ADAMTS18: variants seen among roughly 807,000 people sequenced by gnomAD.
ADAMTS18 encodes ADAM metallopeptidase with thrombospondin type 1 motif 18.
ADAMTS18 carries 157 observed loss-of-function variants against 165.9 expected under a neutral mutation model. The observed-to-expected ratio is 0.95, with a 90% confidence interval of 0.83 to 1.08. The LOEUF is 1.08. ADAMTS18 is among the 50% of genes least tolerant of loss of function. ADAMTS18 has a pLI of 0.00. For missense variants in ADAMTS18, 2,040 were observed against 1,534.0 expected, an observed-to-expected ratio of 1.33 and a Z score of -5.51; for synonymous variants, 782 against 578.2, an observed-to-expected ratio of 1.35 and a Z score of -5.06.
intron 11 of ADAMTS18, among the ~76,000 whole-genome samples, chr16:77,340,291 C>A (rs900285275): frequency 6.6e-5 from 10 of 152,222 alleles, no homozygotes; most frequent in Admixed American, 2.6e-4. Flanking sequence ...TCTCATACCT[C>A]AGCCTCCCAA....
chr16:77,290,127 G>A (rs115506556), intron 21 of ADAMTS18, among the ~76,000 whole-genome samples: 2,463 of 152,240 alleles, frequency 0.016, 38 homozygotes, highest in African/African-American at 0.037. Flanking sequence ...TGTAGTTTCT[G>A]TCTCAATTAA....
In ADAMTS18 at chr16:77,291,434, C is replaced by T. The variant is rs1000338409; in HGVS notation, c.3234G>A (p.Lys1078=). 6.2e-7 allele frequency: 1 copy of T among 1,614,198 alleles called. No homozygotes were observed. Among genetic ancestry groups the T allele is most frequent in the Non-Finnish European group, 8.5e-7 (1 of 1,180,012 alleles). Residue 1078 remains lysine, a synonymous_variant, in exon 21 of 23, where the codon AAG becomes AAA. Transcript: ENST00000282849. ...TTCCCTGGAAGCCCTTCTCGCTGCA[C>T]TTCATCTCCCTCTTCCTCACACCCA... is the stretch of plus-strand genomic sequence containing the variant. ...CGLGVRKREM[K]CSEKGFQGKL...
intron 10 of ADAMTS18, among the ~76,000 whole-genome samples, chr16:77,345,411 C>T (rs1240326655): frequency 6.6e-6 from 1 of 152,096 alleles, no homozygotes; most frequent in Non-Finnish European, 1.5e-5. Context: ...CAAGAAAACC[C>T]CCACCAGATC....
intron 3 of ADAMTS18, among the ~76,000 whole-genome samples, chr16:77,421,343 A>G (rs1318806677): frequency 6.6e-6 from 1 of 152,232 alleles, no homozygotes; most frequent in Non-Finnish European, 1.5e-5. Context: ...CTTTCATGGG[A>G]AAAACTTGAT....
intron 3 of ADAMTS18, among the ~76,000 whole-genome samples, chr16:77,372,021 A>C (rs1205041692): frequency 1.3e-5 from 2 of 152,182 alleles, no homozygotes; most frequent in East Asian, 1.9e-4. Flanking sequence ...TATATGAAAA[A>C]AATGCTCAAC....
intron 6 of ADAMTS18, among the ~76,000 whole-genome samples, chr16:77,363,561 T>C (rs2144735047): frequency 6.6e-6 from 1 of 151,006 alleles, no homozygotes; most frequent in African/African-American, 2.4e-5. Flanking sequence ...AGTACTTATG[T>C]ACCATTATTT....
At chr16:77,316,191 C>T (rs2055883607) in intron 16 of ADAMTS18, among the ~76,000 whole-genome samples, 1 of 152,276 alleles carries the variant, frequency 6.6e-6, no homozygotes, top group East Asian at 1.9e-4. Context: ...AATTCAAGAA[C>T]CATTTTCCTA....
chr16:77,329,257 C>G (rs565486863), intron 12 of ADAMTS18, among the ~76,000 whole-genome samples: 132 of 152,210 alleles, frequency 8.7e-4, no homozygotes, highest in African/African-American at 3.0e-3. Flanking sequence ...AGGCATGTGC[C>G]ACCATGCCTG....
At chr16:77,334,429 TA>T (rs1351555857) in intron 12 of ADAMTS18, among the ~76,000 whole-genome samples, 1 of 112,928 alleles carries the variant, frequency 8.9e-6, no homozygotes, top group African/African-American at 3.7e-5. Flanking sequence ...ATAGTATATA[TA>T]CTGTATATTA....
chr16:77,321,999 T>C (rs2056007795), intron 14 of ADAMTS18, among the ~76,000 whole-genome samples: 1 of 151,648 alleles, frequency 6.6e-6, no homozygotes, highest in Non-Finnish European at 1.5e-5. Context: ...CTACTAAAAA[T>C]ACAAAATTAG....
At chr16:77,371,136 G>C (rs986687245) in intron 3 of ADAMTS18, among the ~76,000 whole-genome samples, 1 of 152,010 alleles carries the variant, frequency 6.6e-6, no homozygotes, top group Admixed American at 6.6e-5. Context: ...GATTGCCTTA[G>C]TCTGAAAGGT....
intron 11 of ADAMTS18, among the ~76,000 whole-genome samples, chr16:77,340,545 C>T (rs565932582): frequency 6.6e-6 from 1 of 152,084 alleles, no homozygotes; most frequent in African/African-American, 2.4e-5. Flanking sequence ...CTCCTGTTCC[C>T]CATATCTAGT....
intron 3 of ADAMTS18, among the ~76,000 whole-genome samples, chr16:77,371,566 G>A (rs890462455): frequency 3.9e-5 from 6 of 152,098 alleles, no homozygotes; most frequent in Admixed American, 1.3e-4. Context: ...TGGAAAAACT[G>A]GATATTCATA....
chr16:77,429,966 G>A (rs1431146397), intron 3 of ADAMTS18, among the ~76,000 whole-genome samples: 3 of 152,186 alleles, frequency 2.0e-5, no homozygotes, highest in African/African-American at 7.2e-5. Flanking sequence ...AAGGTCCTAT[G>A]AGTAAATGCT....
intron 19 of ADAMTS18, 29 bp from the exon 20 acceptor site, chr16:77,293,287 AT>A: frequency 6.3e-7 from 1 of 1,594,000 alleles, no homozygotes; most frequent in Non-Finnish European, 8.6e-7. Flanking sequence ...TTCTATTTGC[AT>A]TCCCATTAGG....
At chr16:77,368,377 A>C (rs2056829489) in intron 3 of ADAMTS18, among the ~76,000 whole-genome samples, 1 of 151,558 alleles carries the variant, frequency 6.6e-6, no homozygotes, top group Non-Finnish European at 1.5e-5. Context: ...GGATAGAGTG[A>C]TGAATATAAA....
intron 3 of ADAMTS18, chr16:77,378,906 T>C (rs1054283477): frequency 6.6e-5 from 10 of 152,144 alleles, no homozygotes; most frequent in African/African-American, 2.2e-4. Context: ...GGACTTGAAA[T>C]TCTGGGAAGT....
At chr16:77,313,612 A>C (rs768607369) in intron 16 of ADAMTS18, among the ~76,000 whole-genome samples, 1 of 152,146 alleles carries the variant, frequency 6.6e-6, no homozygotes, top group Non-Finnish European at 1.5e-5. Context: ...GCGGTAAAAA[A>C]CGTATTTCTC....
At chr16:77,348,292 A>T (rs1048457332) in intron 10 of ADAMTS18, among the ~76,000 whole-genome samples, 1 of 152,168 alleles carries the variant, frequency 6.6e-6, no homozygotes, top group Non-Finnish European at 1.5e-5. Flanking sequence ...TATTACTGAT[A>T]ATCATGAATT....
Sources: gnomAD v4.1 joint callset for allele counts (sites outside exome capture counted in the v4.1 genomes callset) on GRCh38, gnomAD v4.1.1 for gene constraint, MANE v1.5 for transcripts, NCBI Gene and HGNC (gene_info 2026-07-23, HGNC 2026-07-21) for gene names.